The following RREB1 variants were observed in gnomAD, a reference collection of about 807,000 sequenced individuals.
RREB1 encodes ras-responsive element-binding protein 1.
Under a neutral mutation model 117.8 loss-of-function variants are expected in RREB1, and 27 were observed. The observed-to-expected ratio is 0.23, with a 90% CI of 0.17 to 0.32. The LOEUF (loss-of-function observed/expected upper bound fraction) is 0.32. RREB1 is among the 10% of genes least tolerant of loss of function. The probability of loss-of-function intolerance (pLI) is 1.00; values close to 1 mark genes in which losing one functional copy is unlikely to be tolerated. For synonymous variants in RREB1, 1,298 were observed against 1,026.7 expected, an observed-to-expected ratio of 1.26 and a Z score of -5.05; for missense variants, 2,577 against 2,378.2, an observed-to-expected ratio of 1.08 and a Z score of -1.74.
intron 1 of RREB1, among the ~76,000 whole-genome samples, chr6:7,145,966 CCT>C (rs1762834291): frequency 7.2e-6 from 1 of 137,954 alleles, no homozygotes; most frequent in South Asian, 2.1e-4. Context: ...CCAGTGCCTT[CCT>C]CTCTCTTTCT....
intron 1 of RREB1, among the ~76,000 whole-genome samples, chr6:7,144,999 G>C (rs1762795185): frequency 6.6e-6 from 1 of 152,202 alleles, no homozygotes; most frequent in Non-Finnish European, 1.5e-5. Context: ...GGGGGAAAGT[G>C]TAATCTTTTG....
intron 9 of RREB1, 76 bp downstream of exon 9, chr6:7,226,732 C>A: frequency 9.0e-7 from 1 of 1,107,768 alleles, no homozygotes; most frequent in South Asian, 1.5e-5. Flanking sequence ...GGAACTTCCT[C>A]TCCTCAGGGT....
intron 6 of RREB1, among the ~76,000 whole-genome samples, chr6:7,206,504 T>C (rs115653253): frequency 6.1e-4 from 93 of 152,362 alleles, no homozygotes; most frequent in African/African-American, 1.2e-3. Flanking sequence ...TCCAGCAATT[T>C]AGCAGATACT....
intron 9 of RREB1, 94 bp downstream of exon 9, chr6:7,226,750 C>A: frequency 1.0e-6 from 1 of 976,930 alleles, no homozygotes; most frequent in Non-Finnish European, 1.5e-6. Context: ...GGTTTCTTTC[C>A]TTAAAATGTC....
At chr6:7,245,002 C>G (rs1768920111) in intron 11 of RREB1, among the ~76,000 whole-genome samples, 1 of 152,226 alleles carries the variant, frequency 6.6e-6, no homozygotes, top group South Asian at 2.1e-4. Context: ...GGACTGCAAT[C>G]ACATCTGGCC....
intron 1 of RREB1, among the ~76,000 whole-genome samples, chr6:7,175,879 A>G (rs1292038947): frequency 2.6e-5 from 4 of 152,248 alleles, no homozygotes; most frequent in African/African-American, 4.8e-5. Context: ...GGATGTAATC[A>G]TCTCTCCTCT....
chr6:7,158,486 C>T (rs1763491032), intron 1 of RREB1, among the ~76,000 whole-genome samples: 1 of 152,210 alleles, frequency 6.6e-6, no homozygotes, highest in Non-Finnish European at 1.5e-5. Flanking sequence ...TGTAATGAGG[C>T]CCCTGCCCTT....
At chr6:7,226,759 T>A in intron 9 of RREB1, 103 bp downstream of exon 9, 3 of 911,688 alleles carry the variant, frequency 3.3e-6, no homozygotes, top group Non-Finnish European at 5.1e-6. Flanking sequence ...CCTTAAAATG[T>A]CGGTTGGGCT....
At chr6:7,165,922 A>G (rs553955611) in intron 1 of RREB1, among the ~76,000 whole-genome samples, 2 of 152,286 alleles carry the variant, frequency 1.3e-5, no homozygotes, top group South Asian at 4.1e-4. Flanking sequence ...TGGGGCTTGT[A>G]AACATGAACC....
chr6:7,227,593 AC>A (rs1767661280), intron 9 of RREB1, among the ~76,000 whole-genome samples: 1 of 151,980 alleles, frequency 6.6e-6, no homozygotes, highest in Non-Finnish European at 1.5e-5. Flanking sequence ...ATTGTAAAAC[AC>A]CCCAGTCCTA....
chr6:7,222,822 T>C (rs1018555005), intron 8 of RREB1, among the ~76,000 whole-genome samples: 1 of 151,708 alleles, frequency 6.6e-6, no homozygotes, highest in African/African-American at 2.4e-5. Flanking sequence ...ACTACAACCA[T>C]AGAGGTGCAG....
chr6:7,212,070 G>T, intron 8 of RREB1: 1 of 255,910 alleles, frequency 3.9e-6, no homozygotes, highest in Admixed American at 5.0e-5. Context: ...AGCAATGCAT[G>T]AATATGTGGC....
intron 8 of RREB1, among the ~76,000 whole-genome samples, chr6:7,224,425 T>C (rs1767458567): frequency 6.6e-6 from 1 of 152,098 alleles, no homozygotes; most frequent in African/African-American, 2.4e-5. Context: ...TCTCTTATCC[T>C]TTCAGTCCAA....
intron 1 of RREB1, among the ~76,000 whole-genome samples, chr6:7,136,641 T>A (rs1762358911): frequency 6.6e-6 from 1 of 152,176 alleles, no homozygotes; most frequent in Non-Finnish European, 1.5e-5. Flanking sequence ...TGAAAAGTTT[T>A]CTCTTGAACC....
At chr6:7,177,719 T>C (rs1764575807) in intron 2 of RREB1, among the ~76,000 whole-genome samples, 1 of 151,908 alleles carries the variant, frequency 6.6e-6, no homozygotes. Context: ...TTTCTTTTCT[T>C]TTTCTGTCTT....
At position 7,230,697 on chromosome 6, in the gene RREB1, G is replaced by A; in HGVS notation, c.2598G>A (p.Gln866=). The A allele has an allele frequency of 1.3e-6, 2 of 1,594,446 alleles. No individual in the cohort carries two copies. The highest frequency in any genetic ancestry group is 2.2e-5 in the East Asian group (1 of 44,632). ...CCCTCACTGCCTTCCTGGAACCCCA[G>A]AACGGCTTTCTTCACAGGGGCCCCA... is the stretch of plus-strand genomic sequence containing the variant. The part of the protein sequence containing the change: ...CKPLTAFLEP[Q]NGFLHRGPTQ... The change falls in exon 10 of 13, where the codon CAG becomes CAA. Residue 866 remains glutamine (Q), a synonymous_variant. Transcript: ENST00000379938.
intron 1 of RREB1, among the ~76,000 whole-genome samples, chr6:7,166,598 G>A (rs1386217860): frequency 6.6e-6 from 1 of 152,162 alleles, no homozygotes; most frequent in Non-Finnish European, 1.5e-5. Flanking sequence ...GACCACAGCT[G>A]ACCACTTTTC....
intron 1 of RREB1, among the ~76,000 whole-genome samples, chr6:7,132,105 A>G (rs1247367052): frequency 1.3e-5 from 2 of 151,936 alleles, no homozygotes; most frequent in African/African-American, 4.8e-5. Context: ...CCCAGGCTGG[A>G]GTACAATGGT....
intron 6 of RREB1, among the ~76,000 whole-genome samples, chr6:7,207,410 T>C (rs2113609224): frequency 6.6e-6 from 1 of 152,250 alleles, no homozygotes; most frequent in South Asian, 2.1e-4. Flanking sequence ...TTTCTCACCC[T>C]CGCCAGTCTG....
Sources: allele counts gnomAD v4.1 joint callset (sites outside exome capture counted in the v4.1 genomes callset), GRCh38; gene constraint gnomAD v4.1.1; transcripts MANE v1.5; gene names NCBI Gene and HGNC (gene_info 2026-07-23, HGNC 2026-07-21).